Variants in BRIP1 observed in about 807,000 individuals in gnomAD.
The protein encoded by BRIP1 is BRCA1 interacting DNA helicase 1.
BRIP1 carries 88 observed loss-of-function variants against 119.7 expected under a neutral mutation model. The ratio of observed to expected loss-of-function variants is 0.74; its 90% confidence interval spans 0.62 to 0.88. The LOEUF (loss-of-function observed/expected upper bound fraction) is 0.88, where lower values mean the gene tolerates loss of function less well. Among genes scored for constraint, BRIP1 ranks in the 40% least tolerant of loss-of-function variants. The pLI is 0.00. For synonymous variants in BRIP1, 443 were observed against 496.5 expected (o/e 0.89, Z 1.43); for missense variants, 1,259 against 1,455.4 (o/e 0.87, Z 2.20).
rs771889454 is a variant in BRIP1 at position 61,683,553 on chromosome 17, T to G, written c.3493A>C (p.Ile1165Leu). The G allele has an allele frequency of 1.2e-6, 2 of 1,613,114 alleles. No individual in the cohort carries two copies. Among genetic ancestry groups the G allele is most frequent in the East Asian group, 2.2e-5 (1 of 44,878 alleles). The change falls in exon 20 of 20, where the codon ATT becomes CTT. Residue 1165 changes from isoleucine (I) to leucine (L), a missense_variant. Transcript: ENST00000259008. The surrounding 1 kb of genome is among the most constrained non-coding windows in gnomAD (Gnocchi z 4.7). The part of the protein sequence containing the change: ...GNRLANNSDC[I>L]LAKDLFEIRT... ...ATTTCAAAAAGGTCTTTAGCTAAAA[T>G]GCAATCTGAATTGTTAGCCAATCTA...
At position 61,804,954 on chromosome 17, in the gene BRIP1, CTG is replaced by C. The variant is rs59414906; in HGVS notation, c.919-3482_919-3481del. ...GGCAGGATGAAATGTCTCTCTCTTT[CTG>C]TGTGTGTGTGTGTGTGTGTGTGTGT... On this transcript the variant is annotated intron_variant, in intron 7 of 19. Transcript: ENST00000259008. This position sits in a 1 kb window ranked among gnomAD's most constrained non-coding sequence, Gnocchi z 4.5. 0.14 allele frequency among the ~76,000 whole-genome samples: 20,097 copies of C among 138,900 alleles called. 1,434 individuals are homozygous for C. The highest frequency in any genetic ancestry group is 0.19 in the East Asian group (877 of 4,702). The allele number at this position is 138,900 out of a possible 152,430, so 91.1% of individuals were successfully genotyped here.
Position 61,829,754 on chromosome 17 carries a change from T to C in BRIP1, c.627+17347A>G, listed in dbSNP as rs557938288. ...GTTAGTGTTTATTTAGACTTCTAAA[T>C]AAATCTTGGGTCAGAGAAGAAATCA... On this transcript the variant is annotated intron_variant, in intron 6 of 19. Coordinates refer to ENST00000259008, the MANE Select transcript of BRIP1 (RefSeq NM_032043.3). Among the ~76,000 whole-genome samples, 15 of 152,116 alleles carry C rather than the reference T, an allele frequency of 9.9e-5. No homozygotes were observed. In the South Asian group the frequency reaches 2.7e-3, roughly 27 times the overall value.
Position 61,799,277 on chromosome 17 carries a change from T to A in BRIP1, c.1163A>T (p.Gln388Leu). 1 of 1,612,944 alleles carries A rather than the reference T, an allele frequency of 6.2e-7. No individual in the cohort carries two copies. Residue 388 changes from glutamine (Q) to leucine (L), a missense_variant, in exon 9 of 20, where the codon CAG becomes CTG. Gln to Leu is a moderately radical substitution (Grantham distance 113). Around this residue, in one of 3 missense-constraint regions of BRIP1, gnomAD observed 501 missense variants for 544.0 expected, o/e 0.92. Coordinates refer to ENST00000259008, the MANE Select transcript of BRIP1 (RefSeq NM_032043.3). This position sits in a 1 kb window ranked among gnomAD's most constrained non-coding sequence, Gnocchi z 5.1. ...RESMDLNLKE[Q>L]VVILDEAHNI... ...ATGAGCTTCATCTAAAATGACAACCTGTTCTTTCAGATTTAAATCCATCTA... is the reference window on the plus strand; with the variant it reads ...ATGAGCTTCATCTAAAATGACAACCAGTTCTTTCAGATTTAAATCCATCTA...
chr17:61,752,100 A>G lies in BRIP1; in HGVS notation c.2098-7509T>C, dbSNP rs1202582449. 6.6e-6 allele frequency among the ~76,000 whole-genome samples: 1 copy of G among 152,096 alleles called. No homozygotes were observed. Among genetic ancestry groups the G allele is most frequent in the African/African-American group, 2.4e-5 (1 of 41,410 alleles). On this transcript the variant is annotated intron_variant, in intron 14 of 19. Coordinates refer to ENST00000259008, the MANE Select transcript of BRIP1 (RefSeq NM_032043.3). This position sits in a 1 kb window ranked among gnomAD's most constrained non-coding sequence, Gnocchi z 6.2. ...GCTTCTAATGTAGAAATAATGTTCTATTTCTTAAGCTGGGTGATGGATACT... is the reference window on the plus strand; with the variant it reads ...GCTTCTAATGTAGAAATAATGTTCTGTTTCTTAAGCTGGGTGATGGATACT...
At chr17:61,712,680 C>T (rs59874193) in intron 17 of BRIP1, among the ~76,000 whole-genome samples, 3 of 152,012 alleles carry the variant, frequency 2.0e-5, no homozygotes, top group Admixed American at 6.6e-5. Flanking sequence ...CCAAGGCAGG[C>T]GGATCACAAG....
rs541773450 is a variant in BRIP1 at position 61,805,458 on chromosome 17, T to C, written c.918+3009A>G. ...TCTTCATACTGTGTCAACTTCTCCC[T>C]ACCTCAATGCCATCTTTGGATTTTG... is the stretch of plus-strand genomic sequence containing the variant. On this transcript the variant is annotated intron_variant, in intron 7 of 19. Transcript: ENST00000259008. This position sits in a 1 kb window ranked among gnomAD's most constrained non-coding sequence, Gnocchi z 5.6. Among the ~76,000 whole-genome samples the C allele has an allele frequency of 6.6e-6, 1 of 152,224 alleles. No homozygotes were observed. Among genetic ancestry groups the C allele is most frequent in the Non-Finnish European group, 1.5e-5 (1 of 68,038 alleles).
In BRIP1 at chr17:61,774,257, A is replaced by T. The variant is rs1189027766; in HGVS notation, c.2097+2144T>A. ...ACACCATAGAATACTATGCAGCCAT[A>T]AAAAAGGATGAGTTCATGTCCTTTG... On this transcript the variant is annotated intron_variant, in intron 14 of 19. Transcript: ENST00000259008. The surrounding 1 kb of genome is among the most constrained non-coding windows in gnomAD (Gnocchi z 5.8). Among the ~76,000 whole-genome samples, 1 of 152,202 alleles carries T rather than the reference A, an allele frequency of 6.6e-6. No homozygotes were observed. The highest frequency in any genetic ancestry group is 1.5e-5 in the Non-Finnish European group (1 of 68,014).
Position 61,760,339 on chromosome 17 carries a change from T to C in BRIP1, c.2098-15748A>G, listed in dbSNP as rs1056898213. On this transcript the variant is annotated intron_variant, in intron 14 of 19. Coordinates refer to ENST00000259008, the MANE Select transcript of BRIP1 (RefSeq NM_032043.3). This position sits in a 1 kb window ranked among gnomAD's most constrained non-coding sequence, Gnocchi z 4.6. ...AAGTTTACAATAACAAATGCCTACA[T>C]CAAAAAAGAAGATCCCAAATAAATA... Among the ~76,000 whole-genome samples the C allele has an allele frequency of 6.6e-6, 1 of 150,928 alleles. No homozygotes were observed. The highest frequency in any genetic ancestry group is 1.5e-5 in the Non-Finnish European group (1 of 67,630).
chr17:61,818,832 C>G (rs1199220535), intron 6 of BRIP1, among the ~76,000 whole-genome samples: 1 of 152,132 alleles, frequency 6.6e-6, no homozygotes, highest in Non-Finnish European at 1.5e-5. Context: ...CTCAACATCA[C>G]TGATCATCAG....
rs59414906 is a variant in BRIP1 at position 61,804,954 on chromosome 17, C to CTGTGTGTGTGTG, written c.919-3492_919-3481dup. 7.2e-6 allele frequency among the ~76,000 whole-genome samples: 1 copy of CTGTGTGTGTGTG among 139,152 alleles called. No homozygotes were observed. Among genetic ancestry groups the CTGTGTGTGTGTG allele is most frequent in the African/African-American group, 2.7e-5 (1 of 36,916 alleles). 91.3% of individuals were successfully genotyped at this position (139,152 alleles called of 152,430 possible). ...GGCAGGATGAAATGTCTCTCTCTTT[C>CTGTGTGTGTGTG]TGTGTGTGTGTGTGTGTGTGTGTGT... On this transcript the variant is annotated intron_variant, in intron 7 of 19. Coordinates refer to ENST00000259008, the MANE Select transcript of BRIP1 (RefSeq NM_032043.3). The surrounding 1 kb of genome is among the most constrained non-coding windows in gnomAD (Gnocchi z 4.5).
At position 61,755,821 on chromosome 17, in the gene BRIP1, T is replaced by C. The variant is rs1230159158; in HGVS notation, c.2098-11230A>G. 1.3e-5 allele frequency among the ~76,000 whole-genome samples: 2 copies of C among 152,154 alleles called. No homozygotes were observed. Among genetic ancestry groups the C allele is most frequent in the African/African-American group, 4.8e-5 (2 of 41,422 alleles). On this transcript the variant is annotated intron_variant, in intron 14 of 19. Transcript: ENST00000259008. This position sits in a 1 kb window ranked among gnomAD's most constrained non-coding sequence, Gnocchi z 4.5. Reference sequence around the variant, plus strand: ...AAATAGGATACTAAGTCTGAGATACTGCAAGTTACGAGAGGAAAGGATGGT... The same window carrying C: ...AAATAGGATACTAAGTCTGAGATACCGCAAGTTACGAGAGGAAAGGATGGT...
At position 61,762,347 on chromosome 17, in the gene BRIP1, T is replaced by G. The variant is rs1296828957; in HGVS notation, c.2097+14054A>C. On this transcript the variant is annotated intron_variant, in intron 14 of 19. Coordinates refer to ENST00000259008, the MANE Select transcript of BRIP1 (RefSeq NM_032043.3). The surrounding 1 kb of genome is among the most constrained non-coding windows in gnomAD (Gnocchi z 4.3). ...ACATAACATTGGTTTAGGCAATGAT[T>G]TTTTGGATTTGATCCCAAAAGCACA... Among the ~76,000 whole-genome samples, 1 of 152,138 alleles carries G rather than the reference T, an allele frequency of 6.6e-6. No individual in the cohort carries two copies. Among genetic ancestry groups the G allele is most frequent in the African/African-American group, 2.4e-5 (1 of 41,434 alleles).
Position 61,762,733 on chromosome 17 carries a change from G to A in BRIP1, c.2097+13668C>T, listed in dbSNP as rs1032764919. 6.6e-6 allele frequency among the ~76,000 whole-genome samples: 1 copy of A among 152,136 alleles called. No homozygotes were observed. The highest frequency in any genetic ancestry group is 2.4e-5 in the African/African-American group (1 of 41,442). Reference sequence around the variant, plus strand: ...AAAGATGAAAGATAACAAAGTGTTGGTGAGGATGTGGAGAAAAGGGAAGCC... The same window carrying A: ...AAAGATGAAAGATAACAAAGTGTTGATGAGGATGTGGAGAAAAGGGAAGCC... On this transcript the variant is annotated intron_variant, in intron 14 of 19. Transcript: ENST00000259008. The surrounding 1 kb of genome is among the most constrained non-coding windows in gnomAD (Gnocchi z 4.3).
In BRIP1 at chr17:61,730,963, G is replaced by A. The variant is rs747522394; in HGVS notation, c.2379+12050C>T. 6.6e-6 allele frequency among the ~76,000 whole-genome samples: 1 copy of A among 151,734 alleles called. No individual in the cohort carries two copies. Among genetic ancestry groups the A allele is most frequent in the Non-Finnish European group, 1.5e-5 (1 of 67,950 alleles). On this transcript the variant is annotated intron_variant, in intron 16 of 19. Transcript: ENST00000259008. This position sits in a 1 kb window ranked among gnomAD's most constrained non-coding sequence, Gnocchi z 4.3. Reference sequence around the variant, plus strand: ...ATTAACTCATTTTTTGCTGGCCAAGGTAAATATACAATTTATTAACCTAGA... The same window carrying A: ...ATTAACTCATTTTTTGCTGGCCAAGATAAATATACAATTTATTAACCTAGA...
chr17:61,784,230 A>C, intron 11 of BRIP1, 40 bp downstream of exon 11: 1 of 1,583,050 alleles, frequency 6.3e-7, no homozygotes, highest in Non-Finnish European at 8.7e-7. Context: ...AAATTAGGCT[A>C]TTTTTAAAAG....
At position 61,710,361 on chromosome 17, in the gene BRIP1, G is replaced by A. The variant is rs756404854; in HGVS notation, c.2492+5590C>T. On this transcript the variant is annotated intron_variant, in intron 17 of 19. Coordinates refer to ENST00000259008, the MANE Select transcript of BRIP1 (RefSeq NM_032043.3). This position sits in a 1 kb window ranked among gnomAD's most constrained non-coding sequence, Gnocchi z 5.4. Reference sequence around the variant, plus strand: ...TGAGACTTAGTTGGTTGCTGAGAATGTAACAACGTAACACATGTTCAAGGA... The same window carrying A: ...TGAGACTTAGTTGGTTGCTGAGAATATAACAACGTAACACATGTTCAAGGA... Among the ~76,000 whole-genome samples the A allele has an allele frequency of 6.6e-6, 1 of 152,140 alleles. No individual in the cohort carries two copies. Among genetic ancestry groups the A allele is most frequent in the Non-Finnish European group, 1.5e-5 (1 of 68,018 alleles).
rs1397367820 is a variant in BRIP1, at chr17:61,841,805, A to G, written c.627+5296T>C. Among the ~76,000 whole-genome samples, 2 of 152,134 alleles carry G rather than the reference A, an allele frequency of 1.3e-5. No homozygotes were observed. The highest frequency in any genetic ancestry group is 4.8e-5 in the African/African-American group (2 of 41,430). On this transcript the variant is annotated intron_variant, in intron 6 of 19. Transcript: ENST00000259008. The surrounding 1 kb of genome is among the most constrained non-coding windows in gnomAD (Gnocchi z 4.1). The stretch of plus-strand genomic sequence containing the variant: ...TGATCGCCCATGCCTCAGCCTCCCA[A>G]GTAGCTAGGACTGCAGGCACGTACC...
At chr17:61,712,919 AT>A (rs968208056) in intron 17 of BRIP1, among the ~76,000 whole-genome samples, 10 of 138,788 alleles carry the variant, frequency 7.2e-5, no homozygotes, top group African/African-American at 1.9e-4. Flanking sequence ...AAAAAAAAAA[AT>A]TTAATTTGCA....
chr17:61,772,337 T>C (rs2077468066), intron 14 of BRIP1, among the ~76,000 whole-genome samples: 1 of 151,550 alleles, frequency 6.6e-6, no homozygotes, highest in African/African-American at 2.4e-5. Flanking sequence ...TCCACTTATA[T>C]GAAGTAGCTA....
Sources: allele counts gnomAD v4.1 joint callset (sites outside exome capture counted in the v4.1 genomes callset), GRCh38; gene constraint gnomAD v4.1.1; regional missense constraint gnomAD v4.1.1; non-coding constraint Gnocchi (gnomAD v3.1); transcripts MANE v1.5; gene names NCBI Gene and HGNC (gene_info 2026-07-23, HGNC 2026-07-21).